Variants in PCDHGA1 observed in about 807,000 individuals in gnomAD.
The protein encoded by PCDHGA1 is protocadherin gamma subfamily A, 1, also known as protocadherin gamma-A1.
PCDHGA1 carries 32 observed loss-of-function variants against 58.0 expected under a neutral mutation model. The ratio of observed to expected loss-of-function variants is 0.55; its 90% CI spans 0.42 to 0.74. The LOEUF is 0.74. Ranked by LOEUF, PCDHGA1 falls within the 30% of genes least tolerant of loss-of-function variation. The pLI is 0.00. For missense variants in PCDHGA1, 1,205 were observed against 1,182.3 expected (o/e 1.02, Z -0.28); for synonymous variants, 498 against 501.1 (o/e 0.99, Z 0.08).
At chr5:141,463,834 A>G (rs1212299231) in intron 1 of PCDHGA1, among the ~76,000 whole-genome samples, 4 of 152,108 alleles carry the variant, frequency 2.6e-5, no homozygotes, top group East Asian at 1.9e-4. Flanking sequence ...TCCACTTCCC[A>G]GTTGTTATAG....
At chr5:141,375,835 C>G (rs772317330) in intron 1 of PCDHGA1, 1 of 1,613,984 alleles carries the variant, frequency 6.2e-7, no homozygotes, top group African/African-American at 1.3e-5. Context: ...CCGCAGAGCC[C>G]GGCTACCTGG....
At chr5:141,409,071 A>G in intron 1 of PCDHGA1, 4 of 1,613,996 alleles carry the variant, frequency 2.5e-6, no homozygotes, top group Non-Finnish European at 3.4e-6. Context: ...AGCACAAAAC[A>G]TATGTTCTCA....
At chr5:141,415,754 T>C in intron 1 of PCDHGA1, 3 of 1,385,738 alleles carry the variant, frequency 2.2e-6, no homozygotes, top group South Asian at 1.7e-5. Context: ...TTTTTTTTTT[T>C]TTTTTTTTTT....
intron 1 of PCDHGA1, chr5:141,344,670 G>A (rs1383007009): frequency 6.2e-7 from 1 of 1,613,978 alleles, no homozygotes; most frequent in South Asian, 1.1e-5. Flanking sequence ...GCTTGTCCTG[G>A]TTGCCTCTGA....
intron 1 of PCDHGA1, chr5:141,478,619 A>G: frequency 6.4e-7 from 1 of 1,555,598 alleles, no homozygotes; most frequent in Non-Finnish European, 8.7e-7. Context: ...GAAGGAATGG[A>G]GCTGTTTTTT....
chr5:141,343,489 T>C, intron 1 of PCDHGA1: 1 of 558,972 alleles, frequency 1.8e-6, no homozygotes, highest in Non-Finnish European at 2.3e-6. Flanking sequence ...GTCATGTCTT[T>C]TAATAGTTGT....
chr5:141,417,947 T>A (rs958624664), intron 1 of PCDHGA1: 53 of 1,613,420 alleles, frequency 3.3e-5, no homozygotes, highest in Middle Eastern at 1.7e-4. Context: ...CCCCACGCTG[T>A]GTGAGCCGAT....
At chr5:141,423,066 C>T (rs1375575018) in intron 1 of PCDHGA1, 2 of 1,614,002 alleles carry the variant, frequency 1.2e-6, no homozygotes, top group South Asian at 1.1e-5. Context: ...TTAAGGCCAG[C>T]GAGCCGGGAC....
chr5:141,377,925 G>A (rs1473713121), intron 1 of PCDHGA1: 1 of 152,134 alleles, frequency 6.6e-6, no homozygotes, highest in Non-Finnish European at 1.5e-5. Context: ...AAATCCACCT[G>A]TAACTGCTGC....
chr5:141,415,740 G>GTTTTTTTTTT lies in PCDHGA1; in HGVS notation c.2422-79044_2422-79035dup, dbSNP rs57426385. 90 of 625,044 alleles carry GTTTTTTTTTT rather than the reference G, an allele frequency of 1.4e-4. 1 individual carries two copies. The highest frequency in any genetic ancestry group is 4.1e-4 in the East Asian group (6 of 14,742). The allele number at this position is 625,044 out of a possible 1,614,324, so 38.7% of individuals were successfully genotyped here. On this transcript the variant is annotated intron_variant, in intron 1 of 3. Coordinates refer to ENST00000517417, the MANE Select transcript of PCDHGA1 (RefSeq NM_018912.3). ...TGAGTAGAATTTGATGTTTATTAAG[G>GTTTTTTTTTT]TTTTTTTTTTTTTTTTTTTTTTTTT...
At chr5:141,478,500 T>C (rs754881921) in intron 1 of PCDHGA1, 16 of 1,612,740 alleles carry the variant, frequency 9.9e-6, no homozygotes, top group Non-Finnish European at 1.4e-5. Context: ...TGTGATCCGG[T>C]GTTCTATAGG....
chr5:141,478,758 T>C (rs1333135263), intron 1 of PCDHGA1: 2 of 1,515,540 alleles, frequency 1.3e-6, no homozygotes, highest in South Asian at 1.3e-5. Flanking sequence ...AGGGGGAAGA[T>C]ACTTGACTCA....
chr5:141,402,642 A>C (rs1236156893), intron 1 of PCDHGA1, among the ~76,000 whole-genome samples: 2 of 152,240 alleles, frequency 1.3e-5, no homozygotes, highest in Non-Finnish European at 2.9e-5. Flanking sequence ...TAAAATCATA[A>C]TTAGAAGAGA....
chr5:141,393,527 T>C, intron 1 of PCDHGA1: 2 of 1,613,990 alleles, frequency 1.2e-6, no homozygotes, highest in South Asian at 1.1e-5. Context: ...CAAATGACAA[T>C]GCCCCGGTTT....
intron 1 of PCDHGA1, chr5:141,423,883 A>T (rs1211746978): frequency 1.6e-6 from 2 of 1,283,342 alleles, no homozygotes; most frequent in Admixed American, 7.5e-5. Context: ...CAATCTTGGC[A>T]TATTTTCTTT....
intron 1 of PCDHGA1, chr5:141,365,574 C>T: frequency 1.9e-6 from 3 of 1,613,636 alleles, no homozygotes; most frequent in South Asian, 1.1e-5. Context: ...AGAGAAGAGA[C>T]TTCAGATTAT....
chr5:141,452,929 G>A (rs2154564099), intron 1 of PCDHGA1, among the ~76,000 whole-genome samples: 1 of 152,310 alleles, frequency 6.6e-6, no homozygotes, highest in Admixed American at 6.5e-5. Flanking sequence ...AAGAGCTGCT[G>A]AAGATTTGCT....
intron 1 of PCDHGA1, chr5:141,423,559 G>T: frequency 6.2e-7 from 1 of 1,613,584 alleles, no homozygotes; most frequent in Non-Finnish European, 8.5e-7. Flanking sequence ...CAACTATGGG[G>T]ACACGCTCAT....
chr5:141,357,181 A>G (rs1760501412), intron 1 of PCDHGA1: 3 of 1,613,644 alleles, frequency 1.9e-6, no homozygotes, highest in Non-Finnish European at 2.5e-6. Context: ...CGTCACACTC[A>G]CTGTGGCTGT....
Sources: gnomAD v4.1 joint callset for allele counts (sites outside exome capture counted in the v4.1 genomes callset) on GRCh38, gnomAD v4.1.1 for gene constraint, MANE v1.5 for transcripts, NCBI Gene and HGNC (gene_info 2026-07-23, HGNC 2026-07-21) for gene names.